The following FKBP9 variants were observed in gnomAD, a reference collection of about 807,000 sequenced individuals.
FKBP9 encodes peptidyl-prolyl cis-trans isomerase FKBP9.
Under a neutral mutation model 55.6 loss-of-function variants are expected in FKBP9, and 27 were observed. That is an observed-to-expected ratio of 0.49 (90% confidence interval 0.36 to 0.67). The LOEUF is 0.67. Ranked by LOEUF, FKBP9 falls within the 30% of genes least tolerant of loss-of-function variation. FKBP9 has a pLI of 0.00. For missense variants in FKBP9, 539 were observed against 742.8 expected (o/e 0.73, Z 3.19); for synonymous variants, 267 against 296.5 (o/e 0.90, Z 1.02).
rs1247370294 is a variant in FKBP9, at chr7:33,005,496, C to T, written c.*145C>T. On this transcript the variant is annotated 3_prime_UTR_variant, in exon 10 of 10. Transcript: ENST00000242209. ...GTCACATAGTACCTGGTGTACACAT[C>T]GGGGTGGGTTGATATATGGGGTGAG... 27 of 813,316 alleles carry T rather than the reference C, an allele frequency of 3.3e-5. No homozygotes were observed. Among genetic ancestry groups the T allele is most frequent in the South Asian group, 3.7e-5 (2 of 54,282 alleles). The allele number at this position is 813,316 out of a possible 1,614,324, so 50.4% of individuals were successfully genotyped here. A position where few individuals can be genotyped will look rare whatever the true frequency, so the allele number is the denominator to read the frequency against.
intron 1 of FKBP9, among the ~76,000 whole-genome samples, chr7:32,964,798 G>A (rs1378114628): frequency 6.6e-6 from 1 of 152,238 alleles, no homozygotes; most frequent in African/African-American, 2.4e-5. Flanking sequence ...AATGTGTGGA[G>A]AGGGAGGTGT....
chr7:32,957,900 C>G (rs2127974101), intron 1 of FKBP9, 106 bp downstream of exon 1: 2 of 863,792 alleles, frequency 2.3e-6, no homozygotes, highest in Non-Finnish European at 3.2e-6. Flanking sequence ...CCCGTGCAGC[C>G]GCGCTCCTCC....
At position 32,969,529 on chromosome 7, in the gene FKBP9, A is replaced by G. The variant is rs569008244; in HGVS notation, c.222-5088A>G. 2.4e-4 allele frequency among the ~76,000 whole-genome samples: 37 copies of G among 152,088 alleles called. 1 individual carries two copies. In the South Asian group the frequency reaches 7.5e-3, roughly 31 times the overall value. On this transcript the variant is annotated intron_variant, in intron 1 of 9. Transcript: ENST00000242209. ...CTTAGCCCTTGTCAAAGATCATTTG[A>G]CCATATAGGCAAAAGTTTATTTCTG...
At chr7:32,985,102 T>C (rs1784549765) in intron 5 of FKBP9, among the ~76,000 whole-genome samples, 1 of 151,978 alleles carries the variant, frequency 6.6e-6, no homozygotes, top group Non-Finnish European at 1.5e-5. Context: ...CAATGACAAA[T>C]TTCCCTCCTA....
intron 5 of FKBP9, among the ~76,000 whole-genome samples, chr7:32,981,513 G>A (rs1305996056): frequency 6.6e-6 from 1 of 152,076 alleles, no homozygotes; most frequent in African/African-American, 2.4e-5. Flanking sequence ...TTAGCTTCCA[G>A]TAGAGCAAAC....
At chr7:32,960,085 G>GTC (rs1305634003) in intron 1 of FKBP9, among the ~76,000 whole-genome samples, 1 of 148,676 alleles carries the variant, frequency 6.7e-6, no homozygotes, top group Non-Finnish European at 1.5e-5. Context: ...GTTCTCCACG[G>GTC]TCTCAACAAC....
intron 7 of FKBP9, 67 bp from the exon 8 acceptor site, chr7:33,000,048 C>T: frequency 6.3e-7 from 1 of 1,582,222 alleles, no homozygotes; most frequent in Non-Finnish European, 8.7e-7. Context: ...ATGTGTTCTT[C>T]TCATGGGAAC....
intron 5 of FKBP9, among the ~76,000 whole-genome samples, chr7:32,985,516 T>C (rs1784559774): frequency 6.6e-6 from 1 of 152,096 alleles, no homozygotes; most frequent in African/African-American, 2.4e-5. Flanking sequence ...CATACATATA[T>C]AATGAAGTAC....
rs1167534941 is a variant in FKBP9 at position 32,974,598 on chromosome 7, C to G, written c.222-19C>G. The G allele has an allele frequency of 7.5e-6, 12 of 1,607,536 alleles. No individual in the cohort carries two copies. The highest frequency in any genetic ancestry group is 2.7e-5 in the African/African-American group (2 of 74,618). ...TATTTATACTTTTCTTTCTCTTTCC[C>G]TACCCTTTGGGCCTTCAGCTATGAC... On this transcript the variant is annotated intron_variant, in intron 1 of 9. Coordinates refer to ENST00000242209, the MANE Select transcript of FKBP9 (RefSeq NM_007270.5).
chr7:32,995,602 T>G lies in FKBP9; in HGVS notation c.1040-561T>G, dbSNP rs1396303333. On this transcript the variant is annotated intron_variant, in intron 6 of 9. Transcript: ENST00000242209. ...GGAAAAGTTAATAAATAATTTAGTA[T>G]AGAACAAATAGGATGTATTCTAAAA... Among the ~76,000 whole-genome samples the G allele has an allele frequency of 6.6e-5, 10 of 152,354 alleles. No individual in the cohort carries two copies. The East Asian group carries it at 1.3e-3, about 21-fold the overall frequency.
Position 33,002,716 on chromosome 7 carries a change from T to C in FKBP9, c.1413T>C (p.Ile471=). The C allele has an allele frequency of 6.2e-7, 1 of 1,613,152 alleles. No individual in the cohort carries two copies. Among genetic ancestry groups the C allele is most frequent in the Non-Finnish European group, 8.5e-7 (1 of 1,179,100 alleles). Reference sequence around the variant, plus strand: ...GCAGTGCCGTATTAGTGTTTGACATTGAGCTGCTGGAGCTGGTGGCTGGCC... The same window carrying C: ...GCAGTGCCGTATTAGTGTTTGACATCGAGCTGCTGGAGCTGGTGGCTGGCC... ...VPGSAVLVFD[I]ELLELVAGLP... The change falls in exon 9 of 10, where the codon ATT becomes ATC. Residue 471 remains isoleucine (I), a synonymous_variant. Coordinates refer to ENST00000242209, the MANE Select transcript of FKBP9 (RefSeq NM_007270.5).
rs764508336 is a variant in FKBP9, at chr7:32,957,758, TG to T, written c.189del (p.Thr64ArgfsTer27). The T allele has an allele frequency of 6.7e-7, 1 of 1,492,188 alleles. No homozygotes were observed. The highest frequency in any genetic ancestry group is 2.7e-5 in the East Asian group (1 of 37,614). The allele number at this position is 1,492,188 out of a possible 1,614,324, so 92.4% of individuals were successfully genotyped here. A position where few individuals can be genotyped will look rare whatever the true frequency, so the allele number is the denominator to read the frequency against. On this transcript the variant is annotated frameshift_variant, in exon 1 of 10. Transcript: ENST00000242209. LOFTEE classifies it high-confidence loss of function. ...GGCGACTTCGTGCGCTACCACTACG[TG>T]GGGACGTTCCCCGACGGCCAGAAGT... Reference protein sequence around the residue: ...RSGDFVRYHYVGTFPDGQKFD... With the variant: ...RSGDFVRYHYXGTFPDGQKFD...
At chr7:32,963,061 G>A (rs1466746035) in intron 1 of FKBP9, among the ~76,000 whole-genome samples, 10 of 152,338 alleles carry the variant, frequency 6.6e-5, no homozygotes, top group Middle Eastern at 3.4e-3. Context: ...GGGAAGGAAG[G>A]ATTTCTTCTT....
intron 5 of FKBP9, among the ~76,000 whole-genome samples, chr7:32,981,967 C>T (rs1263958368): frequency 1.3e-5 from 2 of 151,264 alleles, no homozygotes; most frequent in Admixed American, 1.3e-4. Context: ...GTCTCCCCTA[C>T]CCCTTAGAGT....
intron 5 of FKBP9, among the ~76,000 whole-genome samples, chr7:32,982,603 A>G (rs1216951674): frequency 6.6e-6 from 1 of 152,182 alleles, no homozygotes; most frequent in South Asian, 2.1e-4. Flanking sequence ...CCAAAAAAAA[A>G]TCATTTAGTG....
In FKBP9 at chr7:32,962,783, A is replaced by T. The variant is rs548314362; in HGVS notation, c.221+4989A>T. On this transcript the variant is annotated intron_variant, in intron 1 of 9. Transcript: ENST00000242209. ...GAATAAAACAGAAATCTCTGCCCTC[A>T]TGGAGCTTACATACTAGTGAGAGGA... is the stretch of plus-strand genomic sequence containing the variant. 2.4e-3 allele frequency among the ~76,000 whole-genome samples: 358 copies of T among 151,136 alleles called. 1 individual carries two copies. Among genetic ancestry groups the T allele is most frequent in the Non-Finnish European group, 4.3e-3 (295 of 67,892 alleles).
At chr7:32,999,209 G>A (rs1784876754) in intron 7 of FKBP9, among the ~76,000 whole-genome samples, 1 of 152,072 alleles carries the variant, frequency 6.6e-6, no homozygotes, top group Non-Finnish European at 1.5e-5. Flanking sequence ...GGGTCCAGGG[G>A]AGGTCGGGAA....
At chr7:32,961,132 T>C (rs557373145) in intron 1 of FKBP9, among the ~76,000 whole-genome samples, 6 of 152,196 alleles carry the variant, frequency 3.9e-5, no homozygotes, top group Non-Finnish European at 8.8e-5. Context: ...AAGGTTTAAC[T>C]ATATATTTTT....
chr7:32,986,687 G>A (rs888971080), intron 5 of FKBP9, among the ~76,000 whole-genome samples: 1 of 152,206 alleles, frequency 6.6e-6, no homozygotes, highest in Non-Finnish European at 1.5e-5. Flanking sequence ...CGTGCCCCAT[G>A]ACTTTGTGGT....
Sources: gnomAD v4.1 joint callset for allele counts (sites outside exome capture counted in the v4.1 genomes callset) on GRCh38, gnomAD v4.1.1 for gene constraint, MANE v1.5 for transcripts, NCBI Gene and HGNC (gene_info 2026-07-23, HGNC 2026-07-21) for gene names.